The following SCGN variants were observed in gnomAD, a reference collection of about 807,000 sequenced individuals.
SCGN encodes the protein secretagogin.
SCGN carries 30 observed loss-of-function variants against 39.7 expected under a neutral mutation model. The observed-to-expected ratio is 0.76, with a 90% confidence interval of 0.57 to 1.03. The LOEUF (loss-of-function observed/expected upper bound fraction) is 1.03, where lower values mean the gene tolerates loss of function less well. SCGN is among the 50% of genes least tolerant of loss of function. The pLI is 0.00. For synonymous variants in SCGN, 106 were observed against 114.1 expected (o/e 0.93, Z 0.45); for missense variants, 353 against 349.4 (o/e 1.01, Z -0.08).
intron 4 of SCGN, 72 bp from the exon 5 acceptor site, chr6:25,669,439 C>T (rs1379599888): frequency 1.6e-6 from 2 of 1,252,996 alleles, no homozygotes; most frequent in African/African-American, 1.5e-5. Flanking sequence ...AGATGCTGAA[C>T]TGTAGTAGAT....
chr6:25,683,608 A>G (rs1407718903), intron 7 of SCGN, among the ~76,000 whole-genome samples: 1 of 150,846 alleles, frequency 6.6e-6, no homozygotes, highest in Non-Finnish European at 1.5e-5. Flanking sequence ...GCAGTTAATG[A>G]TAAAATAATG....
Position 25,652,316 on chromosome 6 carries a change from A to C in SCGN, c.-88A>C. The stretch of plus-strand genomic sequence containing the variant: ...CTAATCAGATAGCGAAAGAAGCAGG[A>C]GAGCAAGTCAAGAAATACGGTGAAG... On this transcript the variant is annotated 5_prime_UTR_variant, in exon 1 of 11. Transcript: ENST00000377961. 1.0e-6 allele frequency: 1 copy of C among 990,088 alleles called. No individual in the cohort carries two copies. The highest frequency in any genetic ancestry group is 1.8e-5 in the Admixed American group (1 of 55,918). 61.3% of individuals were successfully genotyped at this position (990,088 alleles called of 1,614,324 possible). A position where few individuals can be genotyped will look rare whatever the true frequency, so the allele number is the denominator to read the frequency against.
chr6:25,690,480 A>G (rs944556825), intron 9 of SCGN, among the ~76,000 whole-genome samples: 1 of 152,220 alleles, frequency 6.6e-6, no homozygotes. Flanking sequence ...ATGAATTATT[A>G]TAGTGGAACT....
intron 3 of SCGN, among the ~76,000 whole-genome samples, chr6:25,662,446 G>A (rs1424402141): frequency 6.6e-6 from 1 of 152,114 alleles, no homozygotes; most frequent in Non-Finnish European, 1.5e-5. Flanking sequence ...CTATAAATCT[G>A]TATGTGAAAA....
chr6:25,682,797 G>A (rs920646660), intron 7 of SCGN, among the ~76,000 whole-genome samples: 8 of 152,190 alleles, frequency 5.3e-5, no homozygotes, highest in Admixed American at 2.0e-4. Flanking sequence ...GAATTCCAAG[G>A]ACTGGAGGCA....
chr6:25,698,596 G>A (rs953428904), intron 10 of SCGN, among the ~76,000 whole-genome samples: 13 of 152,210 alleles, frequency 8.5e-5, no homozygotes, highest in African/African-American at 2.4e-4. Context: ...CCACCAGGGG[G>A]TCTCAGAATG....
At chr6:25,677,901 T>A (rs535965051) in intron 6 of SCGN, among the ~76,000 whole-genome samples, 40 of 152,350 alleles carry the variant, frequency 2.6e-4, no homozygotes, top group African/African-American at 9.4e-4. Flanking sequence ...ATCTATTGTT[T>A]AAGAAAATAT....
chr6:25,669,521 A>G lies in SCGN; in HGVS notation c.347A>G (p.Lys116Arg), dbSNP rs995894754. 1.9e-6 allele frequency: 3 copies of G among 1,613,440 alleles called. No individual in the cohort carries two copies. Among genetic ancestry groups the G allele is most frequent in the Admixed American group, 3.3e-5 (2 of 59,994 alleles). ...TTTTGTGTATTTCAGATTTGGCGCA[A>G]ATATGACGCTGACAGCAGTGGCTTT... ...SSVEFMQIWR[K>R]YDADSSGFIS... Residue 116 changes from lysine (K) to arginine (R), a missense_variant, in exon 5 of 11, where the codon AAA (lysine) becomes AGA (arginine). By Grantham distance (26) the Lys-to-Arg change is conservative (BLOSUM62 2). Transcript: ENST00000377961.
intron 6 of SCGN, among the ~76,000 whole-genome samples, chr6:25,670,378 A>T (rs550282109): frequency 6.6e-6 from 1 of 152,320 alleles, no homozygotes; most frequent in East Asian, 1.9e-4. Context: ...TTGAAGTCAC[A>T]TGGAAACAAG....
chr6:25,701,314 T>C lies in SCGN; in HGVS notation c.810T>C (p.Leu270=), dbSNP rs1324293255. ...KIQKSELALC[L]GLKINP The stretch of plus-strand genomic sequence containing the variant: ...AGAAGTCTGAGCTGGCTTTGTGTCT[T>C]GGGCTGAAAATCAACCCATAATCCC... The change falls in exon 11 of 11, where the codon CTT becomes CTC. Residue 270 remains leucine (L), a synonymous_variant. Transcript: ENST00000377961. 6.2e-7 allele frequency: 1 copy of C among 1,612,762 alleles called. No individual in the cohort carries two copies. The highest frequency in any genetic ancestry group is 1.3e-5 in the African/African-American group (1 of 74,910).
intron 2 of SCGN, among the ~76,000 whole-genome samples, chr6:25,655,119 T>C (rs1227399392): frequency 1.3e-5 from 2 of 152,182 alleles, no homozygotes; most frequent in African/African-American, 4.8e-5. Flanking sequence ...TTATCTATCA[T>C]GGACATGGGT....
At chr6:25,684,606 C>G (rs1162919268) in intron 7 of SCGN, among the ~76,000 whole-genome samples, 1 of 151,986 alleles carries the variant, frequency 6.6e-6, no homozygotes, top group Non-Finnish European at 1.5e-5. Flanking sequence ...CCAGCCTGGC[C>G]AGCATAGTGA....
chr6:25,666,530 TATA>T (rs1264167549), intron 4 of SCGN, among the ~76,000 whole-genome samples: 1 of 152,232 alleles, frequency 6.6e-6, no homozygotes, highest in Non-Finnish European at 1.5e-5. Flanking sequence ...GATATATTCA[TATA>T]ATTCATTCAT....
Position 25,669,519 on chromosome 6 carries a change from C to T in SCGN, c.345C>T (p.Arg115=). The T allele has an allele frequency of 6.2e-7, 1 of 1,613,198 alleles. No individual in the cohort carries two copies. Among genetic ancestry groups the T allele is most frequent in the Non-Finnish European group, 8.5e-7 (1 of 1,179,326 alleles). The change falls in exon 5 of 11, where the codon CGC becomes CGT. Residue 115 remains arginine (R), a synonymous_variant. Transcript: ENST00000377961. ...ACTTTTGTGTATTTCAGATTTGGCGCAAATATGACGCTGACAGCAGTGGCT... is the reference window on the plus strand; with the variant it reads ...ACTTTTGTGTATTTCAGATTTGGCGTAAATATGACGCTGACAGCAGTGGCT... ...DSSVEFMQIW[R]KYDADSSGFI...
chr6:25,669,672 T>C (rs1261087661), intron 5 of SCGN, 105 bp downstream of exon 5: 2 of 944,212 alleles, frequency 2.1e-6, no homozygotes, highest in Non-Finnish European at 3.4e-6. Context: ...TATTTGAATA[T>C]GTGACTCAAA....
At chr6:25,660,824 T>G (rs1760322110) in intron 2 of SCGN, among the ~76,000 whole-genome samples, 1 of 152,232 alleles carries the variant, frequency 6.6e-6, no homozygotes, top group Non-Finnish European at 1.5e-5. Context: ...ATGATAGTAT[T>G]AGGGAGAATG....
chr6:25,659,075 T>C (rs900776464), intron 2 of SCGN, among the ~76,000 whole-genome samples: 2 of 152,186 alleles, frequency 1.3e-5, no homozygotes, highest in African/African-American at 4.8e-5. Context: ...AATGAGTTGG[T>C]ACGATGGATG....
chr6:25,652,543 G>A, intron 1 of SCGN, 58 bp downstream of exon 1: 1 of 1,520,766 alleles, frequency 6.6e-7, no homozygotes, highest in Admixed American at 1.7e-5. Flanking sequence ...AGCTCAGCCC[G>A]CTGAAAGGAC....
At chr6:25,669,081 A>G (rs1156987268) in intron 4 of SCGN, among the ~76,000 whole-genome samples, 1 of 148,410 alleles carries the variant, frequency 6.7e-6, no homozygotes, top group Non-Finnish European at 1.5e-5. Context: ...ACTGCAGTCC[A>G]GCCTGGGCGA....
Sources: gnomAD v4.1 joint callset for allele counts (sites outside exome capture counted in the v4.1 genomes callset) on GRCh38, gnomAD v4.1.1 for gene constraint, MANE v1.5 for transcripts, NCBI Gene and HGNC (gene_info 2026-07-23, HGNC 2026-07-21) for gene names.